The following PHF1 variants were observed in gnomAD, a reference collection of about 807,000 sequenced individuals.
PHF1 encodes PHD finger protein 1.
Under a neutral mutation model 69.4 loss-of-function variants are expected in PHF1, and 16 were observed. That is an observed-to-expected ratio of 0.23 (90% CI 0.16 to 0.35). The LOEUF is 0.35. Ranked by LOEUF, PHF1 falls within the 10% of genes least tolerant of loss-of-function variation. PHF1 has a pLI of 1.00. For synonymous variants in PHF1, 274 were observed against 275.0 expected (o/e 1.00, Z 0.04); for missense variants, 515 against 732.8 (o/e 0.70, Z 3.43).
chr6:33,413,838 C>T lies in PHF1; in HGVS notation c.683+7C>T. ...CCCTCCTCTATGGGGACAGGTGAGACCAAGGCAGACTCTCTAGGAGCCAAG... is the reference window on the plus strand; with the variant it reads ...CCCTCCTCTATGGGGACAGGTGAGATCAAGGCAGACTCTCTAGGAGCCAAG... On this transcript the variant is annotated splice_region_variant and intron_variant, in intron 7 of 14. Coordinates refer to ENST00000374516, the MANE Select transcript of PHF1 (RefSeq NM_024165.3). 6.2e-7 allele frequency: 1 copy of T among 1,611,134 alleles called. No homozygotes were observed. The highest frequency in any genetic ancestry group is 8.5e-7 in the Non-Finnish European group (1 of 1,177,710).
Position 33,415,327 on chromosome 6 carries a change from C to T in PHF1, c.1332C>T (p.Pro444=). 1 of 1,610,566 alleles carries T rather than the reference C, an allele frequency of 6.2e-7. No homozygotes were observed. Among genetic ancestry groups the T allele is most frequent in the Non-Finnish European group, 8.5e-7 (1 of 1,177,724 alleles). The change falls in exon 13 of 15, where the codon CCC becomes CCT. Residue 444 remains proline (P), a splice_region_variant and synonymous_variant. Coordinates refer to ENST00000374516, the MANE Select transcript of PHF1 (RefSeq NM_024165.3). The stretch of plus-strand genomic sequence containing the variant: ...GGCCCACAGATGCCCGCTGCCTGCC[C>T]AGGTCAGTGCTCCTCTGCCCCTCCC... ...NFRPTDARCL[P]SSPIRMFASF...
intron 14 of PHF1, 41 bp from the exon 15 acceptor site, chr6:33,415,769 T>C (rs1776428030): frequency 6.3e-7 from 1 of 1,599,428 alleles, no homozygotes; most frequent in African/African-American, 1.3e-5. Flanking sequence ...ACATGTGCTC[T>C]CCATTTCTGC....
chr6:33,414,418 G>GA lies in PHF1; in HGVS notation c.876+55dup. On this transcript the variant is annotated intron_variant, in intron 9 of 14. Coordinates refer to ENST00000374516, the MANE Select transcript of PHF1 (RefSeq NM_024165.3). The surrounding 1 kb of genome is among the most constrained non-coding windows in gnomAD (Gnocchi z 5.0). Reference sequence around the variant, plus strand: ...TGGGATGGGACAGGGAGATGTAGCGGAAAGGGGAAGAGAAGAAATCACTGC... The same window carrying GA: ...TGGGATGGGACAGGGAGATGTAGCGGAAAAGGGGAAGAGAAGAAATCACTGC... The GA allele has an allele frequency of 6.2e-7, 1 of 1,613,846 alleles. No homozygotes were observed. The highest frequency in any genetic ancestry group is 8.5e-7 in the Non-Finnish European group (1 of 1,179,786).
Position 33,415,155 on chromosome 6 carries a change from AG to A in PHF1, c.1239+16del. ...CAGAGGGCACTGCAGGTACTGGAGC[AG>A]GGGGAACCCGATGGAGCAAATGGTG... On this transcript the variant is annotated intron_variant, in intron 12 of 14. Transcript: ENST00000374516. The A allele has an allele frequency of 6.2e-7, 1 of 1,613,626 alleles. No individual in the cohort carries two copies. Among genetic ancestry groups the A allele is most frequent in the East Asian group, 2.2e-5 (1 of 44,874 alleles).
Position 33,415,854 on chromosome 6 carries a change from A to C in PHF1, c.1460A>C (p.Lys487Thr). 1 of 1,607,580 alleles carries C rather than the reference A, an allele frequency of 6.2e-7. No homozygotes were observed. The highest frequency in any genetic ancestry group is 1.7e-5 in the Admixed American group (1 of 59,714). ...ATTGGTTTCCCCACAGACATCCCTA[A>C]AAGTGCCCCCCACTCGATGACTGCC... ...LHIGFPTDIPKSAPHSMTASS... is the reference protein window; with the variant it reads ...LHIGFPTDIPTSAPHSMTASS... Residue 487 changes from lysine (K) to threonine (T), a missense_variant, in exon 15 of 15, where the codon AAA becomes ACA. Transcript: ENST00000374516.
In PHF1 at chr6:33,415,215, T is replaced by C. The variant is rs1776369730; in HGVS notation, c.1240-20T>C. On this transcript the variant is annotated intron_variant, in intron 12 of 14. Transcript: ENST00000374516. ...GAAGGAGTCAAGGATTATCTCTCAGTCCTTTGCCCCCTCTTCTAGGCCTCA... is the reference window on the plus strand; with the variant it reads ...GAAGGAGTCAAGGATTATCTCTCAGCCCTTTGCCCCCTCTTCTAGGCCTCA... 3 of 1,612,654 alleles carry C rather than the reference T, an allele frequency of 1.9e-6. No homozygotes were observed. Among genetic ancestry groups the C allele is most frequent in the Non-Finnish European group, 1.7e-6 (2 of 1,178,886 alleles).
At position 33,412,648 on chromosome 6, in the gene PHF1, G is replaced by A. The variant is rs764365700; in HGVS notation, c.242-50G>A. On this transcript the variant is annotated intron_variant, in intron 3 of 14. Transcript: ENST00000374516. The surrounding 1 kb of genome is among the most constrained non-coding windows in gnomAD (Gnocchi z 4.2). ...ATGGAAAACAAACCTGGCCTAGAGG[G>A]GCAGAAAGAGACTTAAAGGCAGGCC... 14 of 1,611,588 alleles carry A rather than the reference G, an allele frequency of 8.7e-6. No individual in the cohort carries two copies. The highest frequency in any genetic ancestry group is 8.3e-5 in the Admixed American group (5 of 59,996).
Position 33,412,164 on chromosome 6 carries a change from GA to G in PHF1, c.-16-68del, listed in dbSNP as rs576149310. On this transcript the variant is annotated intron_variant, in intron 1 of 14. Transcript: ENST00000374516. The surrounding 1 kb of genome is among the most constrained non-coding windows in gnomAD (Gnocchi z 4.2). ...GCGACAGAGCAAAACTCCATCTCAG[GA>G]AAAAAAAAAAAAAAAGAAAAAGAAA... The G allele has an allele frequency of 0.13, 102,702 of 772,012 alleles. 66 individuals carry two copies. Among genetic ancestry groups the G allele is most frequent in the Middle Eastern group, 0.15 (363 of 2,446 alleles). 47.8% of individuals were successfully genotyped at this position (772,012 alleles called of 1,614,324 possible). A position where few individuals can be genotyped will look rare whatever the true frequency, so the allele number is the denominator to read the frequency against.
In PHF1 at chr6:33,415,135, G is replaced by A; in HGVS notation, c.1230G>A (p.Arg410=). ...QEQRERAHLQ[R]ALQASVSPPS... ...AGAGGGAGCGGGCTCATCTGCAGAG[G>A]GCACTGCAGGTACTGGAGCAGGGGG... Residue 410 remains arginine (R), a synonymous_variant, in exon 12 of 15, where the codon AGG becomes AGA. Coordinates refer to ENST00000374516, the MANE Select transcript of PHF1 (RefSeq NM_024165.3). 8.7e-6 allele frequency: 14 copies of A among 1,613,690 alleles called. No individual in the cohort carries two copies. The highest frequency in any genetic ancestry group is 1.2e-5 in the Non-Finnish European group (14 of 1,179,716).
rs1776145548 is a variant in PHF1 at position 33,412,456 on chromosome 6, TC to T, written c.159+37del. The T allele has an allele frequency of 5.0e-6, 8 of 1,614,082 alleles. No individual in the cohort carries two copies. The highest frequency in any genetic ancestry group is 1.3e-5 in the African/African-American group (1 of 74,938). ...TTCTACCTCTGACCTTCTTCCTAGT[TC>T]CCTTATCTAATTCTGGTTCCCATTT... On this transcript the variant is annotated intron_variant, in intron 2 of 14. Transcript: ENST00000374516. This position sits in a 1 kb window ranked among gnomAD's most constrained non-coding sequence, Gnocchi z 4.2.
chr6:33,411,901 G>T (rs913913655), intron 1 of PHF1, among the ~76,000 whole-genome samples: 4 of 152,168 alleles, frequency 2.6e-5, no homozygotes, highest in African/African-American at 9.7e-5. Flanking sequence ...GGTGGCTCAC[G>T]CCTGTAATCC....
rs776578484 is a variant in PHF1 at position 33,414,205 on chromosome 6, A to C, written c.753-38A>C. 6.2e-7 allele frequency: 1 copy of C among 1,613,900 alleles called. No individual in the cohort carries two copies. Among genetic ancestry groups the C allele is most frequent in the South Asian group, 1.1e-5 (1 of 91,072 alleles). On this transcript the variant is annotated intron_variant, in intron 8 of 14. Coordinates refer to ENST00000374516, the MANE Select transcript of PHF1 (RefSeq NM_024165.3). This position sits in a 1 kb window ranked among gnomAD's most constrained non-coding sequence, Gnocchi z 5.0. Reference sequence around the variant, plus strand: ...CCACCTCAGGACTCCCCTGGCTCTTAAAATGCCTCTGTGGTCTTGAAAACT... The same window carrying C: ...CCACCTCAGGACTCCCCTGGCTCTTCAAATGCCTCTGTGGTCTTGAAAACT...
chr6:33,410,830 C>A (rs1345743500), upstream of PHF1: 1 of 152,128 alleles, frequency 6.6e-6, no homozygotes, highest in African/African-American at 2.4e-5. Context: ...TCCGACTCTT[C>A]GCTCCCCAAG....
upstream of PHF1, chr6:33,410,657 G>A (rs1253261041): frequency 7.0e-6 from 1 of 143,028 alleles, no homozygotes; most frequent in Non-Finnish European, 1.5e-5. Flanking sequence ...GGGGCCGGGG[G>A]GCGGGACTTG....
At chr6:33,411,949 TC>T (rs1372483825) in intron 1 of PHF1, among the ~76,000 whole-genome samples, 1 of 151,956 alleles carries the variant, frequency 6.6e-6, no homozygotes, top group African/African-American at 2.4e-5. Context: ...GATCATGAGG[TC>T]AGGAGTTCGA....
intron 13 of PHF1, 69 bp from the exon 14 acceptor site, chr6:33,415,521 T>C: frequency 1.1e-5 from 17 of 1,509,804 alleles, no homozygotes; most frequent in South Asian, 6.8e-5. Context: ...GTTTGAGCTC[T>C]GCACTTCCCA....
In PHF1 at chr6:33,415,518, C is replaced by G. The variant is rs1055077289; in HGVS notation, c.1335-72C>G. ...GAGTCCCTTGGGGGTAGTGTTTGAG[C>G]TCTGCACTTCCCAGGGGGAGAAGGT... On this transcript the variant is annotated intron_variant, in intron 13 of 14. Coordinates refer to ENST00000374516, the MANE Select transcript of PHF1 (RefSeq NM_024165.3). 17 of 1,490,264 alleles carry G rather than the reference C, an allele frequency of 1.1e-5. No homozygotes were observed. In the African/African-American group the frequency reaches 2.3e-4, roughly 21 times the overall value. The allele number at this position is 1,490,264 out of a possible 1,614,324, so 92.3% of individuals were successfully genotyped here. A position where few individuals can be genotyped will look rare whatever the true frequency, so the allele number is the denominator to read the frequency against.
chr6:33,411,587 C>T (rs1188461669), intron 1 of PHF1, among the ~76,000 whole-genome samples: 1 of 152,184 alleles, frequency 6.6e-6, no homozygotes, highest in Non-Finnish European at 1.5e-5. Flanking sequence ...AATTATGATA[C>T]CTCTAAACTG....
intron 13 of PHF1, 89 bp from the exon 14 acceptor site, chr6:33,415,501 T>G: frequency 7.1e-7 from 1 of 1,401,852 alleles, no homozygotes; most frequent in Non-Finnish European, 1.0e-6. Flanking sequence ...GGGAGTCCCT[T>G]GGGGGTAGTG....
Sources: allele counts gnomAD v4.1 joint callset (sites outside exome capture counted in the v4.1 genomes callset), GRCh38; gene constraint gnomAD v4.1.1; non-coding constraint Gnocchi (gnomAD v3.1); transcripts MANE v1.5; gene names NCBI Gene and HGNC (gene_info 2026-07-23, HGNC 2026-07-21).